Variants in FGGY observed in about 807,000 individuals in gnomAD.
FGGY encodes FGGY carbohydrate kinase domain-containing protein.
FGGY carries 72 observed loss-of-function variants against 71.3 expected under a neutral mutation model. The observed-to-expected ratio is 1.01, with a 90% CI of 0.84 to 1.23. FGGY has a LOEUF of 1.23. Among genes scored for constraint, FGGY ranks in the 50% most tolerant of loss-of-function variants. FGGY has a pLI of 0.00. For synonymous variants in FGGY, 251 were observed against 250.3 expected, an observed-to-expected ratio of 1.00 and a Z score of -0.02; for missense variants, 668 against 682.3, an observed-to-expected ratio of 0.98 and a Z score of 0.23.
chr1:59,612,877 A>G (rs907822289), intron 9 of FGGY, among the ~76,000 whole-genome samples: 9 of 152,204 alleles, frequency 5.9e-5, no homozygotes, highest in Admixed American at 3.3e-4. Flanking sequence ...CTTTAAACCA[A>G]CAAAGATCAA....
At chr1:59,580,873 C>T (rs1012137352) in intron 8 of FGGY, among the ~76,000 whole-genome samples, 4 of 152,106 alleles carry the variant, frequency 2.6e-5, no homozygotes, top group African/African-American at 9.7e-5. Context: ...CCATCTATTC[C>T]ATTGAGTGAC....
intron 6 of FGGY, among the ~76,000 whole-genome samples, chr1:59,482,391 A>G (rs142677084): frequency 6.6e-6 from 1 of 152,148 alleles, no homozygotes; most frequent in East Asian, 1.9e-4. Flanking sequence ...AAGCACAATT[A>G]TATGAATCAT....
At chr1:59,392,102 A>G (rs1449574654) in intron 5 of FGGY, among the ~76,000 whole-genome samples, 1 of 152,202 alleles carries the variant, frequency 6.6e-6, no homozygotes, top group Non-Finnish European at 1.5e-5. Flanking sequence ...TCCTGACCCA[A>G]GAAGGCCTCC....
rs141827280 is a variant in FGGY, at chr1:59,554,226, G to T, written c.902G>T (p.Gly301Val). The T allele has an allele frequency of 5.0e-5, 80 of 1,612,104 alleles. No individual in the cohort carries two copies. Among genetic ancestry groups the T allele is most frequent in the Non-Finnish European group, 6.2e-5 (73 of 1,178,718 alleles). The change falls in exon 8 of 16, where the codon GGG (glycine) becomes GTG (valine). Residue 301 changes from glycine (G) to valine (V), a missense_variant and splice_region_variant. By Grantham distance (109) the Gly-to-Val change is moderately radical. Around this residue, in one of 2 missense-constraint regions of FGGY, gnomAD observed 661 missense variants for 661.6 expected, o/e 1.00. Transcript: ENST00000303721. The stretch of plus-strand genomic sequence containing the variant: ...TGTGGAACGTCTTCTTGTCACATGG[G>T]GGTGAGTCCACTGAGCACAAAGGCA... ...VICGTSSCHM[G>V]ISKDPIFVPG...
chr1:59,729,011 A>G (rs1401265211), intron 14 of FGGY, among the ~76,000 whole-genome samples: 2 of 152,028 alleles, frequency 1.3e-5, no homozygotes, highest in Non-Finnish European at 2.9e-5. Flanking sequence ...TATTCTAACC[A>G]TGCATATGTT....
At chr1:59,681,312 C>T (rs761234983) in intron 14 of FGGY, among the ~76,000 whole-genome samples, 9 of 152,086 alleles carry the variant, frequency 5.9e-5, no homozygotes, top group East Asian at 1.9e-4. Context: ...GCTAACAAAA[C>T]GCATTTTCCC....
At chr1:59,422,069 A>T (rs967145743) in intron 5 of FGGY, among the ~76,000 whole-genome samples, 1 of 152,198 alleles carries the variant, frequency 6.6e-6, no homozygotes. Flanking sequence ...CTGGATCCCA[A>T]ACTAGCCTCA....
intron 1 of FGGY, among the ~76,000 whole-genome samples, chr1:59,308,337 A>C (rs1392516334): frequency 6.6e-6 from 1 of 152,220 alleles, no homozygotes; most frequent in Non-Finnish European, 1.5e-5. Flanking sequence ...ACTAGAGGGT[A>C]GGAGCTATAC....
chr1:59,500,396 A>G (rs2685545), intron 6 of FGGY, among the ~76,000 whole-genome samples: 49,793 of 151,882 alleles, frequency 0.33, 8,497 homozygotes, highest in African/African-American at 0.37. Flanking sequence ...GAGGACAGGC[A>G]GACACTGTGG....
chr1:59,307,883 C>G (rs1388774580), intron 1 of FGGY, among the ~76,000 whole-genome samples: 1 of 152,132 alleles, frequency 6.6e-6, no homozygotes, highest in Non-Finnish European at 1.5e-5. Flanking sequence ...TTAGTTAGAA[C>G]AAACTATAGA....
intron 8 of FGGY, among the ~76,000 whole-genome samples, chr1:59,568,730 T>C (rs11583825): frequency 0.099 from 15,079 of 152,114 alleles, 895 homozygotes; most frequent in South Asian, 0.28. Flanking sequence ...CACAGCTGTT[T>C]ATGCATAGCT....
rs2097039110 is a variant in FGGY at position 59,642,334 on chromosome 1, G to A, written c.1221+3959G>A. Among the ~76,000 whole-genome samples the A allele has an allele frequency of 3.3e-5, 5 of 152,210 alleles. 1 individual carries two copies. In the South Asian group the frequency reaches 1.0e-3, roughly 31 times the overall value. On this transcript the variant is annotated intron_variant, in intron 11 of 15. Coordinates refer to ENST00000303721, the MANE Select transcript of FGGY (RefSeq NM_018291.5). ...TTAAGTATACAGTGAGTGGGGATAAGAGCAAATCACGGCTGTGTGCGGTGG... is the reference window on the plus strand; with the variant it reads ...TTAAGTATACAGTGAGTGGGGATAAAAGCAAATCACGGCTGTGTGCGGTGG...
At chr1:59,731,241 A>G (rs2098024194) in intron 14 of FGGY, among the ~76,000 whole-genome samples, 1 of 152,162 alleles carries the variant, frequency 6.6e-6, no homozygotes. Context: ...CCCACAAACC[A>G]CTGAGGGGAG....
At chr1:59,353,577 T>C (rs2053704128) in intron 4 of FGGY, among the ~76,000 whole-genome samples, 1 of 152,252 alleles carries the variant, frequency 6.6e-6, no homozygotes, top group Non-Finnish European at 1.5e-5. Context: ...GCTGTAAAGC[T>C]GATTAACTTA....
intron 8 of FGGY, among the ~76,000 whole-genome samples, chr1:59,604,898 A>G (rs1395782896): frequency 6.6e-6 from 1 of 152,210 alleles, no homozygotes; most frequent in African/African-American, 2.4e-5. Flanking sequence ...ATTCATCTCA[A>G]AGAAGCTCTG....
intron 13 of FGGY, among the ~76,000 whole-genome samples, chr1:59,667,965 A>C (rs1385709701): frequency 6.6e-6 from 1 of 152,214 alleles, no homozygotes; most frequent in Non-Finnish European, 1.5e-5. Flanking sequence ...TCTTGAAGAA[A>C]GAATGCAGAG....
chr1:59,624,152 A>T (rs906778214), intron 9 of FGGY, among the ~76,000 whole-genome samples: 4 of 151,912 alleles, frequency 2.6e-5, no homozygotes, highest in African/African-American at 9.7e-5. Flanking sequence ...GAAATGACCA[A>T]TGTCTTTGAT....
chr1:59,529,996 T>G (rs1407475990), intron 7 of FGGY, among the ~76,000 whole-genome samples: 1 of 152,240 alleles, frequency 6.6e-6, no homozygotes, highest in Admixed American at 6.5e-5. Flanking sequence ...TAATTTGAAA[T>G]AGATTTCATC....
At chr1:59,552,677 C>T (rs1431761760) in intron 7 of FGGY, among the ~76,000 whole-genome samples, 1 of 152,072 alleles carries the variant, frequency 6.6e-6, no homozygotes, top group Non-Finnish European at 1.5e-5. Flanking sequence ...TTCCTTGGGC[C>T]CCTATAGGTG....
Sources: allele counts gnomAD v4.1 joint callset (sites outside exome capture counted in the v4.1 genomes callset), GRCh38; gene constraint gnomAD v4.1.1; regional missense constraint gnomAD v4.1.1; transcripts MANE v1.5; gene names NCBI Gene and HGNC (gene_info 2026-07-23, HGNC 2026-07-21).